Variants in MPPED2 observed in about 807,000 individuals in gnomAD.
MPPED2 encodes the protein metallophosphoesterase MPPED2.
A neutral mutation model predicts 33.0 loss-of-function variants in MPPED2; 5 were observed. That is an observed-to-expected ratio of 0.15 (90% CI 0.08 to 0.32). MPPED2 has a LOEUF of 0.32. MPPED2 is among the 10% of genes least tolerant of loss of function. MPPED2 has a pLI of 1.00. For synonymous variants in MPPED2, 136 were observed against 141.9 expected, an observed-to-expected ratio of 0.96 and a Z score of 0.29; for missense variants, 275 against 372.1, an observed-to-expected ratio of 0.74 and a Z score of 2.15.
chr11:30,389,036 T>C, intron 6 of MPPED2: 1 of 1,467,202 alleles, frequency 6.8e-7, no homozygotes, highest in Non-Finnish European at 9.0e-7. Context: ...TTCTCTCTGA[T>C]GGTGTCTTGA....
intron 2 of MPPED2, among the ~76,000 whole-genome samples, chr11:30,569,818 C>T (rs1956613160): frequency 6.6e-6 from 1 of 152,020 alleles, no homozygotes; most frequent in Admixed American, 6.6e-5. Context: ...TATATTGAGT[C>T]GGCACGTGTA....
intron 3 of MPPED2, among the ~76,000 whole-genome samples, chr11:30,509,308 A>G (rs1355007962): frequency 3.3e-5 from 5 of 152,234 alleles, no homozygotes; most frequent in Non-Finnish European, 5.9e-5. Context: ...TATACATGAC[A>G]CAAATAATGT....
chr11:30,399,398 T>C (rs605474), intron 6 of MPPED2, among the ~76,000 whole-genome samples: 148,997 of 152,288 alleles, frequency 0.98, 72,914 homozygotes, highest in East Asian at 1. Context: ...AATTAAGACT[T>C]CCATCACAGA....
chr11:30,552,077 G>GA (rs992555238), intron 2 of MPPED2, among the ~76,000 whole-genome samples: 6 of 152,118 alleles, frequency 3.9e-5, no homozygotes, highest in Admixed American at 2.6e-4. Flanking sequence ...CCCTAACTGG[G>GA]AAAAAAATCA....
At chr11:30,545,853 T>G (rs2134577339) in intron 2 of MPPED2, among the ~76,000 whole-genome samples, 1 of 152,142 alleles carries the variant, frequency 6.6e-6, no homozygotes, top group Admixed American at 6.5e-5. Context: ...GTTTTAGGCA[T>G]GACTGATATA....
At chr11:30,522,998 C>T (rs547120103) in intron 3 of MPPED2, among the ~76,000 whole-genome samples, 1 of 152,278 alleles carries the variant, frequency 6.6e-6, no homozygotes, top group Admixed American at 6.5e-5. Context: ...ACAGCAGTTA[C>T]AAGCCCCATG....
At chr11:30,509,723 C>T (rs1371882149) in intron 3 of MPPED2, among the ~76,000 whole-genome samples, 2 of 152,180 alleles carry the variant, frequency 1.3e-5, no homozygotes, top group Admixed American at 1.3e-4. Context: ...CAGCAGGGTG[C>T]TCCTGACCTT....
chr11:30,547,921 G>C (rs923214539), intron 2 of MPPED2, among the ~76,000 whole-genome samples: 1 of 152,076 alleles, frequency 6.6e-6, no homozygotes, highest in Non-Finnish European at 1.5e-5. Flanking sequence ...ATTTGGGAGG[G>C]CATACATACC....
intron 2 of MPPED2, among the ~76,000 whole-genome samples, chr11:30,555,442 A>C (rs1384441465): frequency 6.6e-6 from 1 of 152,176 alleles, no homozygotes; most frequent in Non-Finnish European, 1.5e-5. Flanking sequence ...TAGATGAGTG[A>C]CATGGTTTGG....
At chr11:30,451,669 CT>C in intron 4 of MPPED2, 1 of 945,422 alleles carries the variant, frequency 1.1e-6, no homozygotes, top group Non-Finnish European at 1.3e-6. Context: ...GTTCACTTAA[CT>C]TTTACTATTT....
intron 4 of MPPED2, among the ~76,000 whole-genome samples, chr11:30,474,967 A>G (rs1354148058): frequency 6.6e-6 from 1 of 152,220 alleles, no homozygotes; most frequent in Non-Finnish European, 1.5e-5. Context: ...TGTTGCTGAT[A>G]CAAACTGAAG....
intron 4 of MPPED2, among the ~76,000 whole-genome samples, chr11:30,422,323 G>A (rs1243544671): frequency 6.6e-6 from 1 of 152,142 alleles, no homozygotes; most frequent in East Asian, 1.9e-4. Flanking sequence ...GCCAAAGCTG[G>A]CACTTGATGA....
chr11:30,566,119 A>G (rs1192562361), intron 2 of MPPED2, among the ~76,000 whole-genome samples: 1 of 152,160 alleles, frequency 6.6e-6, no homozygotes, highest in Non-Finnish European at 1.5e-5. Context: ...ACCCGTTTTC[A>G]TGGTCTTCAT....
intron 2 of MPPED2, among the ~76,000 whole-genome samples, chr11:30,541,210 C>T (rs1248235729): frequency 6.6e-6 from 1 of 152,238 alleles, no homozygotes; most frequent in Non-Finnish European, 1.5e-5. Context: ...ACATATCTCA[C>T]TGCATATTCA....
chr11:30,440,472 C>T (rs1457484376), intron 4 of MPPED2, among the ~76,000 whole-genome samples: 1 of 152,162 alleles, frequency 6.6e-6, no homozygotes, highest in Middle Eastern at 3.2e-3. Flanking sequence ...ATATTTATTA[C>T]ACCTTCTAGT....
intron 3 of MPPED2, among the ~76,000 whole-genome samples, chr11:30,529,429 A>G (rs1290162510): frequency 6.6e-6 from 1 of 152,180 alleles, no homozygotes; most frequent in Non-Finnish European, 1.5e-5. Flanking sequence ...AACCACATTC[A>G]GTGATGTGAA....
intron 2 of MPPED2, among the ~76,000 whole-genome samples, chr11:30,567,445 A>T (rs1037404144): frequency 2.6e-5 from 4 of 152,154 alleles, no homozygotes; most frequent in Admixed American, 1.3e-4. Flanking sequence ...TAAAAAATCC[A>T]AAGTGTTAAA....
intron 2 of MPPED2, among the ~76,000 whole-genome samples, chr11:30,549,011 C>A (rs1295960428): frequency 6.6e-6 from 1 of 152,154 alleles, no homozygotes; most frequent in Non-Finnish European, 1.5e-5. Context: ...AGTTCAAATA[C>A]CCTTCAGGAA....
chr11:30,394,475 T>G (rs1229200062), intron 6 of MPPED2, among the ~76,000 whole-genome samples: 1 of 152,182 alleles, frequency 6.6e-6, no homozygotes, highest in Admixed American at 6.5e-5. Context: ...TTAATAGGGA[T>G]GTAATGTTAT....
Sources: allele counts gnomAD v4.1 joint callset (sites outside exome capture counted in the v4.1 genomes callset), GRCh38; gene constraint gnomAD v4.1.1; transcripts MANE v1.5; gene names NCBI Gene and HGNC (gene_info 2026-07-23, HGNC 2026-07-21).